POC1B: variants seen among roughly 807,000 people sequenced by gnomAD.
The protein encoded by POC1B is POC1 centriolar protein homolog B.
Under a neutral mutation model 60.6 loss-of-function variants are expected in POC1B, and 44 were observed. The ratio of observed to expected loss-of-function variants is 0.73; its 90% CI spans 0.57 to 0.93. The LOEUF (loss-of-function observed/expected upper bound fraction) is 0.93. POC1B is among the 40% of genes least tolerant of loss of function. The pLI is 0.00. For missense variants in POC1B, 555 were observed against 572.3 expected, an observed-to-expected ratio of 0.97 and a Z score of 0.31; for synonymous variants, 180 against 198.9, an observed-to-expected ratio of 0.90 and a Z score of 0.80.
intron 3 of POC1B, among the ~76,000 whole-genome samples, chr12:89,494,335 G>A (rs1374949991): frequency 1.3e-5 from 2 of 152,274 alleles, no homozygotes; most frequent in South Asian, 4.1e-4. Flanking sequence ...ACAGGTGCGA[G>A]TCATGCCCCC....
chr12:89,437,746 T>C (rs1048988765), intron 10 of POC1B, among the ~76,000 whole-genome samples: 3 of 152,192 alleles, frequency 2.0e-5, no homozygotes, highest in African/African-American at 4.8e-5. Flanking sequence ...ATAAATTTAC[T>C]AAATAAGATT....
downstream of POC1B, among the ~76,000 whole-genome samples, chr12:89,419,237 G>A (rs1306695900): frequency 1.3e-5 from 2 of 151,930 alleles, no homozygotes; most frequent in Non-Finnish European, 2.9e-5. Flanking sequence ...AAGTGGAGAC[G>A]CTGATCAGGC....
intron 11 of POC1B, among the ~76,000 whole-genome samples, chr12:89,422,620 A>G (rs1229933737): frequency 6.6e-6 from 1 of 152,236 alleles, no homozygotes; most frequent in African/African-American, 2.4e-5. Context: ...GTCATTTCTC[A>G]TGAATGTCAT....
At chr12:89,454,727 T>C (rs1882183850) in intron 10 of POC1B, among the ~76,000 whole-genome samples, 2 of 152,218 alleles carry the variant, frequency 1.3e-5, no homozygotes, top group African/African-American at 4.8e-5. Context: ...CTTCAGTGCC[T>C]TTTTCACCTT....
At chr12:89,491,907 C>T (rs746604353) in intron 4 of POC1B, 29 bp downstream of exon 4, 2 of 1,444,340 alleles carry the variant, frequency 1.4e-6, no homozygotes, top group Middle Eastern at 1.9e-4. Flanking sequence ...AATATGTGGA[C>T]ATCTTAATAT....
intron 2 of POC1B, among the ~76,000 whole-genome samples, chr12:89,510,956 T>C (rs967916099): frequency 2.6e-5 from 4 of 151,952 alleles, no homozygotes; most frequent in African/African-American, 9.6e-5. Context: ...GGTTTCACCA[T>C]GTTGGCCAGG....
At chr12:89,504,601 T>TTA (rs397714501) in intron 2 of POC1B, among the ~76,000 whole-genome samples, 1,162 of 18,890 alleles carry the variant, frequency 0.062, 18 homozygotes, top group African/African-American at 0.15. Context: ...GAATGATCAA[T>TTA]AAAAAAAAAA....
intron 2 of POC1B, among the ~76,000 whole-genome samples, chr12:89,505,488 C>G (rs1869847930): frequency 6.6e-6 from 1 of 152,084 alleles, no homozygotes; most frequent in Non-Finnish European, 1.5e-5. Context: ...TTAAATTTTA[C>G]TTATATGAAG....
chr12:89,477,111 C>T (rs1883153755), intron 4 of POC1B, among the ~76,000 whole-genome samples: 1 of 152,172 alleles, frequency 6.6e-6, no homozygotes. Context: ...ATGAAGGAGT[C>T]TGGATTGAAT....
chr12:89,438,561 A>G (rs1426823977), intron 10 of POC1B, among the ~76,000 whole-genome samples: 1 of 152,254 alleles, frequency 6.6e-6, no homozygotes. Flanking sequence ...ACTTTTGGCA[A>G]TGCTGACTCC....
At chr12:89,479,480 T>A (rs369080571) in intron 4 of POC1B, among the ~76,000 whole-genome samples, 71 of 152,324 alleles carry the variant, frequency 4.7e-4, no homozygotes, top group African/African-American at 1.6e-3. Context: ...ATTTTGCAAA[T>A]AGACTTATAA....
At chr12:89,411,430 T>C in the POC1B span, among the ~76,000 whole-genome samples, 6 of 152,206 alleles carry the variant, frequency 3.9e-5, no homozygotes, top group African/African-American at 1.4e-4. Flanking sequence ...AAAAATGAAA[T>C]GCCCTTGGGA....
intron 2 of POC1B, among the ~76,000 whole-genome samples, chr12:89,514,678 G>T (rs2135762426): frequency 6.6e-6 from 1 of 151,950 alleles, no homozygotes; most frequent in South Asian, 2.1e-4. Context: ...AAAGTGCTGG[G>T]ATTGCAGGCA....
At chr12:89,520,567 T>G (rs1192582904) in intron 2 of POC1B, 2 of 152,222 alleles carry the variant, frequency 1.3e-5, no homozygotes, top group East Asian at 3.8e-4. Context: ...TCTGGACAAT[T>G]TTTTGATAAA....
intron 10 of POC1B, among the ~76,000 whole-genome samples, chr12:89,446,080 C>T (rs953672382): frequency 8.2e-4 from 125 of 152,062 alleles, no homozygotes; most frequent in Admixed American, 1.7e-3. Flanking sequence ...GTTAGAATGG[C>T]GATCATTAAA....
At chr12:89,471,845 G>A (rs909268112) in intron 5 of POC1B, 116 bp from the exon 6 acceptor site, 20 of 619,370 alleles carry the variant, frequency 3.2e-5, no homozygotes, top group Admixed American at 2.3e-4. Flanking sequence ...TCAGCTCACC[G>A]CAACCTCCGC....
At chr12:89,465,178 G>A (rs1423581194) in intron 9 of POC1B, among the ~76,000 whole-genome samples, 1 of 152,134 alleles carries the variant, frequency 6.6e-6, no homozygotes, top group African/African-American at 2.4e-5. Flanking sequence ...CAGCCCAGCT[G>A]GTTTAATGGC....
At chr12:89,495,813 G>A (rs1869218839) in intron 3 of POC1B, among the ~76,000 whole-genome samples, 1 of 152,082 alleles carries the variant, frequency 6.6e-6, no homozygotes, top group Admixed American at 6.5e-5. Flanking sequence ...CCAGGATGGA[G>A]TACAATGGCA....
chr12:89,437,077 C>T (rs1355502439), intron 10 of POC1B, among the ~76,000 whole-genome samples: 1 of 152,290 alleles, frequency 6.6e-6, no homozygotes, highest in East Asian at 1.9e-4. Flanking sequence ...TTCAATACCT[C>T]ATGAGCCAGT....
Sources: gnomAD v4.1 joint callset for allele counts (sites outside exome capture counted in the v4.1 genomes callset) on GRCh38, gnomAD v4.1.1 for gene constraint, MANE v1.5 for transcripts, NCBI Gene and HGNC (gene_info 2026-07-23, HGNC 2026-07-21) for gene names.